The following SORBS2 variants were observed in gnomAD, a reference collection of about 807,000 sequenced individuals.
SORBS2 encodes the protein sorbin and SH3 domain containing 2, also known as sorbin and SH3 domain-containing protein 2.
A neutral mutation model predicts 97.7 loss-of-function variants in SORBS2; 46 were observed. The observed-to-expected ratio is 0.47, with a 90% CI of 0.37 to 0.60. The LOEUF (loss-of-function observed/expected upper bound fraction) is 0.60. Among genes scored for constraint, SORBS2 ranks in the 20% least tolerant of loss-of-function variants. The pLI, the probability that SORBS2 is intolerant of heterozygous loss-of-function variation, is 0.00. For synonymous variants in SORBS2, 476 were observed against 473.4 expected (o/e 1.01, Z -0.07); for missense variants, 1,316 against 1,282.3 (o/e 1.03, Z -0.40).
intron 1 of SORBS2, among the ~76,000 whole-genome samples, chr4:185,911,057 C>T (rs953775952): frequency 1.3e-5 from 2 of 152,062 alleles, no homozygotes; most frequent in Non-Finnish European, 2.9e-5. Context: ...TAACAACTTC[C>T]ATTTTACCCT....
At chr4:185,730,839 G>A (rs542490264) in intron 2 of SORBS2, among the ~76,000 whole-genome samples, 18 of 152,356 alleles carry the variant, frequency 1.2e-4, no homozygotes, top group Non-Finnish European at 2.2e-4. Flanking sequence ...GAACAGGTGA[G>A]TATGTATCAG....
chr4:185,781,681 AGCCTCCCTTCCATTGCCTCCG>A (rs60512378), intron 1 of SORBS2, among the ~76,000 whole-genome samples: 1 of 124,576 alleles, frequency 8.0e-6, no homozygotes, highest in Non-Finnish European at 1.9e-5. Context: ...CGGCCTCTCC[AGCCTCCCTTCCATTGCCTCCG>A]GCCTCTCCAG....
chr4:185,690,913 T>C (rs1456310589), intron 2 of SORBS2, among the ~76,000 whole-genome samples: 1 of 152,004 alleles, frequency 6.6e-6, no homozygotes, highest in Non-Finnish European at 1.5e-5. Context: ...TTTCTTTTTT[T>C]TTTTGAGACA....
intron 2 of SORBS2, among the ~76,000 whole-genome samples, chr4:185,765,049 T>C (rs939318617): frequency 6.6e-6 from 1 of 152,168 alleles, no homozygotes; most frequent in African/African-American, 2.4e-5. Flanking sequence ...AGTTTTTTTT[T>C]CTGCACTGAT....
intron 2 of SORBS2, among the ~76,000 whole-genome samples, chr4:185,712,207 A>C (rs900210018): frequency 4.6e-5 from 7 of 152,126 alleles, no homozygotes; most frequent in African/African-American, 1.4e-4. Flanking sequence ...TGTGCCCATA[A>C]AAACCCCAGA....
At chr4:185,879,130 C>A (rs1039135442) in intron 1 of SORBS2, among the ~76,000 whole-genome samples, 1 of 140,496 alleles carries the variant, frequency 7.1e-6, no homozygotes, top group Non-Finnish European at 1.5e-5. Flanking sequence ...CATTAACTCG[C>A]CATTTACATT....
chr4:185,636,918 A>G (rs2097017033), intron 4 of SORBS2, among the ~76,000 whole-genome samples: 2 of 152,184 alleles, frequency 1.3e-5, no homozygotes, highest in African/African-American at 4.8e-5. Flanking sequence ...AAGTGCTGGG[A>G]TTACAGGTGT....
chr4:185,750,689 C>T (rs1456658449), intron 2 of SORBS2, among the ~76,000 whole-genome samples: 2 of 152,172 alleles, frequency 1.3e-5, no homozygotes, highest in Non-Finnish European at 2.9e-5. Flanking sequence ...AACTTTCAAC[C>T]TCTATTGCTA....
intron 1 of SORBS2, among the ~76,000 whole-genome samples, chr4:185,846,490 T>G (rs1019695533): frequency 6.6e-6 from 1 of 152,182 alleles, no homozygotes; most frequent in African/African-American, 2.4e-5. Flanking sequence ...ATTTGATACA[T>G]TTTTCAAAAT....
chr4:185,599,184 CT>C (rs1239651173), intron 12 of SORBS2, among the ~76,000 whole-genome samples: 1 of 152,178 alleles, frequency 6.6e-6, no homozygotes, highest in East Asian at 1.9e-4. Context: ...AAATCAAGCC[CT>C]TGAGAACTTC....
chr4:185,892,880 C>T (rs1480601380), intron 1 of SORBS2, among the ~76,000 whole-genome samples: 5 of 151,982 alleles, frequency 3.3e-5, no homozygotes, highest in Non-Finnish European at 7.4e-5. Context: ...ACACTTAAGG[C>T]CTTATGGCTG....
At chr4:185,917,253 G>A (rs1212103001) in intron 1 of SORBS2, among the ~76,000 whole-genome samples, 1 of 152,124 alleles carries the variant, frequency 6.6e-6, no homozygotes, top group African/African-American at 2.4e-5. Flanking sequence ...TTGAAACAGG[G>A]TCTAACTCTG....
chr4:185,917,896 G>GT (rs1350569633), intron 1 of SORBS2, among the ~76,000 whole-genome samples: 3 of 152,112 alleles, frequency 2.0e-5, no homozygotes, highest in African/African-American at 7.2e-5. Flanking sequence ...AACAGTTTGT[G>GT]TTTTTTCCAC....
At chr4:185,819,643 T>C (rs1466965065) in intron 1 of SORBS2, among the ~76,000 whole-genome samples, 1 of 152,168 alleles carries the variant, frequency 6.6e-6, no homozygotes, top group Non-Finnish European at 1.5e-5. Flanking sequence ...TTTCTGGACA[T>C]TGTCAGTGAG....
At chr4:185,786,151 T>G (rs895396672) in intron 1 of SORBS2, among the ~76,000 whole-genome samples, 10 of 150,784 alleles carry the variant, frequency 6.6e-5, no homozygotes, top group East Asian at 1.9e-4. Flanking sequence ...ATGTTTTGGG[T>G]TTTTTTTTCT....
chr4:185,694,696 C>CTTT (rs1171723393), intron 2 of SORBS2, among the ~76,000 whole-genome samples: 3 of 110,814 alleles, frequency 2.7e-5, no homozygotes, highest in African/African-American at 3.2e-5. Context: ...TTTTCTTTTT[C>CTTT]CTTTTCTTTC....
intron 2 of SORBS2, chr4:185,774,799 C>T (rs927850645): frequency 5.9e-5 from 9 of 151,804 alleles, no homozygotes; most frequent in African/African-American, 2.2e-4. Context: ...ACGGCTCGCT[C>T]ATTGCCCTTA....
intron 2 of SORBS2, among the ~76,000 whole-genome samples, chr4:185,650,320 A>G (rs1200554842): frequency 6.6e-6 from 1 of 152,240 alleles, no homozygotes; most frequent in Non-Finnish European, 1.5e-5. Flanking sequence ...AGAAGGTATT[A>G]TGGAACCCAC....
chr4:185,919,540 T>C (rs2099260005), intron 1 of SORBS2: 1 of 152,244 alleles, frequency 6.6e-6, no homozygotes, highest in Non-Finnish European at 1.5e-5. Flanking sequence ...TGAGGTGATA[T>C]AAACTGCCTA....
Sources: gnomAD v4.1 joint callset for allele counts (sites outside exome capture counted in the v4.1 genomes callset) on GRCh38, gnomAD v4.1.1 for gene constraint, MANE v1.5 for transcripts, NCBI Gene and HGNC (gene_info 2026-07-23, HGNC 2026-07-21) for gene names.